ZNF385D: variants seen among roughly 807,000 people sequenced by gnomAD.
ZNF385D encodes zinc finger protein 659.
Under a neutral mutation model 35.8 loss-of-function variants are expected in ZNF385D, and 15 were observed. The ratio of observed to expected loss-of-function variants is 0.42; its 90% confidence interval spans 0.28 to 0.64. The LOEUF is 0.64. Among genes scored for constraint, ZNF385D ranks in the 30% least tolerant of loss-of-function variants. The pLI is 0.23. For missense variants in ZNF385D, 474 were observed against 494.6 expected (o/e 0.96, Z 0.39); for synonymous variants, 212 against 186.8 (o/e 1.13, Z -1.10).
chr3:21,834,802 T>A (rs1338719933), intron 3 of ZNF385D, among the ~76,000 whole-genome samples: 3 of 151,892 alleles, frequency 2.0e-5, no homozygotes, highest in African/African-American at 7.3e-5. Context: ...ATGCTGTTTT[T>A]GGGATAGTGA....
At position 21,578,559 on chromosome 3, in the gene ZNF385D, A is replaced by G. The variant is rs1297483593; in HGVS notation, c.166-13875T>C. Among the ~76,000 whole-genome samples the G allele has an allele frequency of 3.9e-5, 6 of 152,206 alleles. No homozygotes were observed. The East Asian group carries it at 9.6e-4, about 24-fold the overall frequency. The stretch of plus-strand genomic sequence containing the variant: ...TTTATTCTTCTATATATGGATATCC[A>G]GTTTTCCCTGTATCATTTATCTAAG... On this transcript the variant is annotated intron_variant, in intron 2 of 7. Coordinates refer to ENST00000281523, the MANE Select transcript of ZNF385D (RefSeq NM_024697.3).
intron 2 of ZNF385D, among the ~76,000 whole-genome samples, chr3:22,260,280 TTGAACAATGAGAACACA>T (rs1331279808): frequency 4.6e-5 from 7 of 150,848 alleles, no homozygotes; most frequent in East Asian, 3.9e-4. Context: ...TAAGTGGGAG[TTGAACAATGAGAACACA>T]TGAACAATGA....
At chr3:21,510,620 C>T (rs1350581652) in intron 4 of ZNF385D, among the ~76,000 whole-genome samples, 1 of 152,130 alleles carries the variant, frequency 6.6e-6, no homozygotes, top group African/African-American at 2.4e-5. Context: ...CCTTTTATGA[C>T]TATTCCTCTG....
chr3:22,206,249 G>A (rs1697143701), intron 2 of ZNF385D, among the ~76,000 whole-genome samples: 1 of 151,886 alleles, frequency 6.6e-6, no homozygotes, highest in South Asian at 2.1e-4. Flanking sequence ...AAATATATAT[G>A]CATCCAACAC....
At chr3:22,287,777 G>A (rs770104191) in intron 2 of ZNF385D, among the ~76,000 whole-genome samples, 39 of 151,874 alleles carry the variant, frequency 2.6e-4, no homozygotes, top group Non-Finnish European at 4.6e-4. Context: ...TAGAAATAAG[G>A]TTAACTTACA....
intron 3 of ZNF385D, among the ~76,000 whole-genome samples, chr3:21,772,805 C>T (rs1431051566): frequency 6.6e-6 from 1 of 151,842 alleles, no homozygotes; most frequent in Admixed American, 6.6e-5. Flanking sequence ...GGAAGCAACC[C>T]AAGTGTCCAC....
chr3:21,656,790 A>G (rs73037257), intron 2 of ZNF385D, among the ~76,000 whole-genome samples: 2 of 152,080 alleles, frequency 1.3e-5, no homozygotes, highest in Non-Finnish European at 2.9e-5. Context: ...GCTTACCTGT[A>G]AAATAAGCAT....
intron 3 of ZNF385D, among the ~76,000 whole-genome samples, chr3:21,955,803 C>G (rs1702256838): frequency 6.6e-6 from 1 of 152,094 alleles, no homozygotes; most frequent in African/African-American, 2.4e-5. Flanking sequence ...CTGGCACATG[C>G]TAAGTACTAC....
intron 3 of ZNF385D, among the ~76,000 whole-genome samples, chr3:22,112,003 T>C (rs1702561863): frequency 2.6e-5 from 4 of 152,094 alleles, no homozygotes; most frequent in Admixed American, 6.6e-5. Context: ...TATGCATAAA[T>C]TAATCAGACA....
At chr3:21,902,269 TA>T (rs763572728) in intron 3 of ZNF385D, among the ~76,000 whole-genome samples, 4 of 152,186 alleles carry the variant, frequency 2.6e-5, no homozygotes, top group Non-Finnish European at 5.9e-5. Flanking sequence ...CCTCAAACAG[TA>T]AAAATAGGTC....
At chr3:21,638,069 C>A (rs1399352934) in intron 2 of ZNF385D, among the ~76,000 whole-genome samples, 6 of 152,116 alleles carry the variant, frequency 3.9e-5, no homozygotes, top group Admixed American at 3.9e-4. Context: ...CTGGTCATTA[C>A]ATTGTGCTGG....
intron 3 of ZNF385D, among the ~76,000 whole-genome samples, chr3:22,014,480 A>G (rs1309429683): frequency 6.6e-6 from 1 of 152,166 alleles, no homozygotes; most frequent in Non-Finnish European, 1.5e-5. Flanking sequence ...AATGCTCATC[A>G]AACAAAACAC....
At chr3:21,535,154 A>G (rs1463508294) in intron 3 of ZNF385D, among the ~76,000 whole-genome samples, 1 of 152,144 alleles carries the variant, frequency 6.6e-6, no homozygotes, top group Non-Finnish European at 1.5e-5. Flanking sequence ...TTGTGATGCC[A>G]AGGAAGTAGC....
chr3:21,515,898 A>G (rs1707529312), intron 3 of ZNF385D, among the ~76,000 whole-genome samples: 1 of 152,202 alleles, frequency 6.6e-6, no homozygotes, highest in Non-Finnish European at 1.5e-5. Context: ...AGGTCACAAG[A>G]TTTGTGACTT....
At chr3:21,972,521 G>C (rs1019163172) in intron 3 of ZNF385D, among the ~76,000 whole-genome samples, 2 of 151,844 alleles carry the variant, frequency 1.3e-5, no homozygotes, top group African/African-American at 2.4e-5. Context: ...GTGTATTTTA[G>C]AGAAGTAGAA....
intron 2 of ZNF385D, among the ~76,000 whole-genome samples, chr3:22,217,472 GT>G (rs1343901314): frequency 6.6e-6 from 1 of 152,066 alleles, no homozygotes; most frequent in African/African-American, 2.4e-5. Context: ...CTTCACTCCA[GT>G]ATGACCTCTT....
intron 3 of ZNF385D, among the ~76,000 whole-genome samples, chr3:21,943,068 A>G (rs1361904599): frequency 2.0e-5 from 3 of 152,160 alleles, no homozygotes; most frequent in African/African-American, 7.2e-5. Context: ...TGTATCAGAA[A>G]AGCCAAAAAA....
chr3:22,100,870 T>A (rs1016943708), intron 3 of ZNF385D, among the ~76,000 whole-genome samples: 1 of 151,546 alleles, frequency 6.6e-6, no homozygotes, highest in Admixed American at 6.6e-5. Flanking sequence ...ACATAAAAAA[T>A]AAAATAAAAT....
rs1272718648 is a variant in ZNF385D, at chr3:21,677,876, T to A, written c.23-12848A>T. 2.0e-5 allele frequency among the ~76,000 whole-genome samples: 3 copies of A among 152,038 alleles called. No homozygotes were observed. In the East Asian group the frequency reaches 5.8e-4, roughly 29 times the overall value. ...ACTCTGTAGCAGCTAATTCAACCTA[T>A]GCGTACATAGGTTGATTGATTTTAA... is the stretch of plus-strand genomic sequence containing the variant. On this transcript the variant is annotated intron_variant, in intron 1 of 7. Transcript: ENST00000281523.
Sources: gnomAD v4.1 joint callset for allele counts (sites outside exome capture counted in the v4.1 genomes callset) on GRCh38, gnomAD v4.1.1 for gene constraint, MANE v1.5 for transcripts, NCBI Gene and HGNC (gene_info 2026-07-23, HGNC 2026-07-21) for gene names.